Variants in DNAH5 observed in about 807,000 individuals in gnomAD.
DNAH5 encodes axonemal beta dynein heavy chain 5.
Under a neutral mutation model 518.2 loss-of-function variants are expected in DNAH5, and 372 were observed. That is an observed-to-expected ratio of 0.72 (90% confidence interval 0.66 to 0.78). DNAH5 has a LOEUF of 0.78. DNAH5 is among the 30% of genes least tolerant of loss of function. The pLI is 0.00. For synonymous variants in DNAH5, 2,039 were observed against 2,025.9 expected (o/e 1.01, Z -0.17); for missense variants, 5,523 against 5,687.0 (o/e 0.97, Z 0.93).
At chr5:13,923,163 T>C (rs1266225684) in intron 4 of DNAH5, 117 bp downstream of exon 4, 1 of 1,332,176 alleles carries the variant, frequency 7.5e-7, no homozygotes, top group Non-Finnish European at 1.1e-6. Flanking sequence ...AATACTTCTC[T>C]GAAAGTAGTT....
At chr5:13,869,055 G>T (rs1008716067) in intron 24 of DNAH5, among the ~76,000 whole-genome samples, 1 of 152,100 alleles carries the variant, frequency 6.6e-6, no homozygotes, top group Non-Finnish European at 1.5e-5. Context: ...ATACTTGAGG[G>T]TATCCCCTGA....
At chr5:13,709,003 C>T (rs1164415863) in intron 75 of DNAH5, among the ~76,000 whole-genome samples, 1 of 152,206 alleles carries the variant, frequency 6.6e-6, no homozygotes, top group African/African-American at 2.4e-5. Flanking sequence ...CTAACTATTT[C>T]AACCCCTGTT....
intron 1 of DNAH5, among the ~76,000 whole-genome samples, chr5:13,965,947 T>C (rs1412928195): frequency 2.6e-5 from 4 of 152,116 alleles, no homozygotes; most frequent in Non-Finnish European, 5.9e-5. Flanking sequence ...TTCTGAGATT[T>C]TGGTGCACCC....
chr5:13,873,641 CT>C (rs979270391), intron 22 of DNAH5, among the ~76,000 whole-genome samples: 4 of 151,434 alleles, frequency 2.6e-5, no homozygotes, highest in Admixed American at 6.6e-5. Flanking sequence ...AAAATTTTGT[CT>C]TTTTTTATTT....
chr5:13,737,160 G>T (rs1747609538), intron 66 of DNAH5, 92 bp downstream of exon 66: 34 of 1,572,816 alleles, frequency 2.2e-5, no homozygotes, highest in Non-Finnish European at 3.0e-5. Flanking sequence ...ATAATCATTT[G>T]TATAACTCCC....
At chr5:13,992,194 A>G (rs1360368748) in intron 1 of DNAH5, among the ~76,000 whole-genome samples, 1 of 152,152 alleles carries the variant, frequency 6.6e-6, no homozygotes, top group Non-Finnish European at 1.5e-5. Context: ...GTCACTGCAA[A>G]TGCCAAGTCT....
In DNAH5 at chr5:13,753,289, GA is replaced by G. The variant is rs397515540; in HGVS notation, c.10815del (p.Pro3606HisfsTer23). 664 of 1,613,778 alleles carry G rather than the reference GA, an allele frequency of 4.1e-4. No homozygotes were observed. Among genetic ancestry groups the G allele is most frequent in the Non-Finnish European group, 5.4e-4 (638 of 1,179,900 alleles). On this transcript the variant is annotated frameshift_variant, in exon 63 of 79. Coordinates refer to ENST00000265104, the MANE Select transcript of DNAH5 (RefSeq NM_001369.3). LOFTEE classifies it high-confidence loss of function. ...TKASRYPLLI[D>X]PQTQGKIWIK... The stretch of plus-strand genomic sequence containing the variant: ...ATCCAGATCTTGCCTTGAGTCTGTG[GA>G]TCAATTAACAAAGGGTAACGAGATG...
chr5:13,949,742 A>G (rs1780231422), intron 1 of DNAH5, among the ~76,000 whole-genome samples: 1 of 152,232 alleles, frequency 6.6e-6, no homozygotes, highest in Non-Finnish European at 1.5e-5. Flanking sequence ...AGAATTAGGA[A>G]TATTGGGCAC....
chr5:14,003,023 C>A (rs1199980150), intron 1 of DNAH5, among the ~76,000 whole-genome samples: 1 of 152,110 alleles, frequency 6.6e-6, no homozygotes, highest in African/African-American at 2.4e-5. Flanking sequence ...CCAGTTGATA[C>A]AGCCCCTGGA....
At chr5:13,837,692 C>CTTTT (rs534618242) in intron 35 of DNAH5, among the ~76,000 whole-genome samples, 4 of 95,106 alleles carry the variant, frequency 4.2e-5, no homozygotes, top group African/African-American at 1.2e-4. Context: ...GGGAACTCCA[C>CTTTT]TTTTTTTTTT....
intron 75 of DNAH5, among the ~76,000 whole-genome samples, chr5:13,711,886 T>C (rs574560802): frequency 6.6e-6 from 1 of 152,118 alleles, no homozygotes; most frequent in Non-Finnish European, 1.5e-5. Flanking sequence ...CACAAACAAA[T>C]GGAAATACAT....
At chr5:13,743,620 G>GAA (rs59471008) in intron 65 of DNAH5, among the ~76,000 whole-genome samples, 4 of 151,176 alleles carry the variant, frequency 2.6e-5, no homozygotes, top group Admixed American at 1.3e-4. Flanking sequence ...CATCTCAACA[G>GAA]AAAAAAAATC....
intron 1 of DNAH5, among the ~76,000 whole-genome samples, chr5:13,941,314 C>T (rs1429594082): frequency 3.3e-5 from 5 of 152,208 alleles, no homozygotes; most frequent in East Asian, 1.9e-4. Flanking sequence ...GCTACGATGG[C>T]GCCACTGCAG....
chr5:13,853,803 C>T (rs1017688258), intron 30 of DNAH5, among the ~76,000 whole-genome samples: 8 of 151,632 alleles, frequency 5.3e-5, no homozygotes, highest in East Asian at 1.9e-4. Context: ...TGAAATAAAG[C>T]GTGAAGACAA....
chr5:13,762,222 T>C (rs1196007815), intron 60 of DNAH5, among the ~76,000 whole-genome samples: 1 of 152,094 alleles, frequency 6.6e-6, no homozygotes, highest in Non-Finnish European at 1.5e-5. Context: ...ATAACAAATA[T>C]TCAGATATTC....
intron 47 of DNAH5, among the ~76,000 whole-genome samples, chr5:13,803,009 TAC>T (rs1222923122): frequency 9.5e-6 from 1 of 105,198 alleles, no homozygotes; most frequent in African/African-American, 3.3e-5. Context: ...ATGAGCTTGC[TAC>T]AGAGTATTAT....
At chr5:13,741,380 T>C (rs1027335674) in intron 65 of DNAH5, among the ~76,000 whole-genome samples, 10 of 152,214 alleles carry the variant, frequency 6.6e-5, no homozygotes, top group African/African-American at 2.4e-4. Context: ...TTTGTGTCAA[T>C]TCTTAATTCT....
intron 51 of DNAH5, among the ~76,000 whole-genome samples, chr5:13,787,236 A>T (rs1231262472): frequency 1.3e-5 from 2 of 152,048 alleles, no homozygotes; most frequent in Non-Finnish European, 2.9e-5. Context: ...CCCAAGAAAA[A>T]GCTAAATTGG....
chr5:14,009,614 A>G (rs1466371484), intron 1 of DNAH5, among the ~76,000 whole-genome samples: 1 of 152,224 alleles, frequency 6.6e-6, no homozygotes, highest in Non-Finnish European at 1.5e-5. Flanking sequence ...ACCTGCCAAT[A>G]TGAGGGTTAA....
Sources: allele counts gnomAD v4.1 joint callset (sites outside exome capture counted in the v4.1 genomes callset), GRCh38; gene constraint gnomAD v4.1.1; transcripts MANE v1.5; gene names NCBI Gene and HGNC (gene_info 2026-07-23, HGNC 2026-07-21).